DENND5A: variants seen among roughly 807,000 people sequenced by gnomAD.
The protein encoded by DENND5A is DENN domain containing 5A, also known as DENN domain-containing protein 5A.
A neutral mutation model predicts 140.3 loss-of-function variants in DENND5A; 64 were observed. The ratio of observed to expected loss-of-function variants is 0.46; its 90% CI spans 0.37 to 0.56. The LOEUF (loss-of-function observed/expected upper bound fraction) is 0.56, where lower values mean the gene tolerates loss of function less well. Among genes scored for constraint, DENND5A ranks in the 20% least tolerant of loss-of-function variants. DENND5A has a pLI of 0.00. For synonymous variants in DENND5A, 605 were observed against 607.7 expected (o/e 1.00, Z 0.07); for missense variants, 1,292 against 1,593.8 (o/e 0.81, Z 3.22).
chr11:9,232,158 A>G (rs1850799516), intron 1 of DENND5A, among the ~76,000 whole-genome samples: 1 of 152,186 alleles, frequency 6.6e-6, no homozygotes, highest in African/African-American at 2.4e-5. Flanking sequence ...TTTAGAAGAA[A>G]ACACAGAACA....
At chr11:9,213,357 G>A (rs1310332279) in intron 1 of DENND5A, among the ~76,000 whole-genome samples, 1 of 151,546 alleles carries the variant, frequency 6.6e-6, no homozygotes, top group East Asian at 1.9e-4. Context: ...GAGTGCACAG[G>A]GGATCTCTCT....
intron 2 of DENND5A, 47 bp from the exon 3 acceptor site, chr11:9,206,829 A>C: frequency 7.2e-7 from 1 of 1,380,076 alleles, no homozygotes; most frequent in South Asian, 1.2e-5. Flanking sequence ...AATCCCTTTA[A>C]GTCACAGGGT....
intron 8 of DENND5A, among the ~76,000 whole-genome samples, chr11:9,172,909 G>A (rs112118875): frequency 3.2e-4 from 49 of 152,038 alleles, no homozygotes; most frequent in Non-Finnish European, 5.6e-4. Context: ...TCCACCTTCC[G>A]GGTTCAAGCA....
intron 1 of DENND5A, among the ~76,000 whole-genome samples, chr11:9,211,065 A>G (rs1849861340): frequency 6.6e-6 from 1 of 152,188 alleles, no homozygotes; most frequent in Non-Finnish European, 1.5e-5. Context: ...TCAGCACTTC[A>G]AAGAAGGTAA....
intron 5 of DENND5A, among the ~76,000 whole-genome samples, chr11:9,186,783 G>A (rs1280742490): frequency 6.6e-6 from 1 of 152,128 alleles, no homozygotes; most frequent in South Asian, 2.1e-4. Context: ...ATACCCTAGA[G>A]ACTGAGTTTT....
intron 5 of DENND5A, among the ~76,000 whole-genome samples, chr11:9,185,616 T>C (rs1324973816): frequency 2.6e-5 from 4 of 152,336 alleles, no homozygotes; most frequent in South Asian, 4.1e-4. Flanking sequence ...CCATGGCACA[T>C]GTATACCTAT....
intron 1 of DENND5A, among the ~76,000 whole-genome samples, chr11:9,257,733 C>T (rs1443238611): frequency 3.3e-5 from 5 of 151,600 alleles, no homozygotes; most frequent in East Asian, 1.9e-4. Flanking sequence ...CCGCCCACCC[C>T]GGCCTCCCAA....
intron 1 of DENND5A, among the ~76,000 whole-genome samples, chr11:9,255,843 C>T (rs200217303): frequency 3.3e-5 from 5 of 149,262 alleles, no homozygotes; most frequent in African/African-American, 5.0e-5. Flanking sequence ...CCAGCCTGGG[C>T]GACAGAGTGA....
chr11:9,224,729 G>C (rs907866789), intron 1 of DENND5A, among the ~76,000 whole-genome samples: 3 of 151,522 alleles, frequency 2.0e-5, no homozygotes. Flanking sequence ...GTGGTGGCGC[G>C]CGCCTGTAAT....
At chr11:9,191,335 T>G (rs1161638987) in intron 5 of DENND5A, among the ~76,000 whole-genome samples, 1 of 152,210 alleles carries the variant, frequency 6.6e-6, no homozygotes, top group Non-Finnish European at 1.5e-5. Flanking sequence ...GGCTCCGGGC[T>G]TCAACAATTC....
At chr11:9,170,918 C>A (rs1848351786) in intron 8 of DENND5A, 141 bp from the exon 9 acceptor site, 2 of 1,400,826 alleles carry the variant, frequency 1.4e-6, no homozygotes. Context: ...ATTTTCCTGC[C>A]TAATAGGAAA....
chr11:9,181,037 T>C lies in DENND5A; in HGVS notation c.1185A>G (p.Pro395=). 1 of 1,614,174 alleles carries C rather than the reference T, an allele frequency of 6.2e-7. No homozygotes were observed. The highest frequency in any genetic ancestry group is 8.5e-7 in the Non-Finnish European group (1 of 1,180,020). The change falls in exon 6 of 23, where the codon CCA becomes CCG. Residue 395 remains proline, a synonymous_variant. Coordinates refer to ENST00000328194, the MANE Select transcript of DENND5A (RefSeq NM_015213.4). The part of the protein sequence containing the change: ...VDIDNHFIEL[P]EDLPQFPNKL... The stretch of plus-strand genomic sequence containing the variant: ...TGTTGGGGAACTGTGGCAAGTCCTC[T>C]GGCAACTCAATGAAGTGGTTGTCAA...
At chr11:9,221,517 C>A (rs922737312) in intron 1 of DENND5A, among the ~76,000 whole-genome samples, 1 of 152,122 alleles carries the variant, frequency 6.6e-6, no homozygotes, top group East Asian at 1.9e-4. Context: ...TGAGCAACTG[C>A]GCCTGGCCTG....
intron 1 of DENND5A, among the ~76,000 whole-genome samples, chr11:9,232,108 G>A (rs1850797665): frequency 6.6e-6 from 1 of 151,726 alleles, no homozygotes; most frequent in Admixed American, 6.6e-5. Flanking sequence ...ATTAGCCCTA[G>A]GACTGTAGAT....
intron 1 of DENND5A, among the ~76,000 whole-genome samples, chr11:9,251,989 G>C (rs1486172252): frequency 8.1e-6 from 1 of 124,068 alleles, no homozygotes. Context: ...ACTCTGTCTC[G>C]CGAAAAAAAA....
chr11:9,214,702 C>T (rs1273800987), intron 1 of DENND5A, among the ~76,000 whole-genome samples: 4 of 152,086 alleles, frequency 2.6e-5, no homozygotes, highest in Non-Finnish European at 5.9e-5. Context: ...TGCCCCCCAA[C>T]CCCCACCCAC....
intron 8 of DENND5A, 40 bp from the exon 9 acceptor site, chr11:9,170,817 CATAA>C (rs1590229647): frequency 7.1e-6 from 10 of 1,417,398 alleles, no homozygotes; most frequent in South Asian, 4.1e-5. Flanking sequence ...CACACACACA[CATAA>C]ATACACACAC....
Position 9,144,176 on chromosome 11 carries a change from C to T in DENND5A, c.3225G>A (p.Arg1075=), listed in dbSNP as rs1198352091. ...GCTGCAGCGGCGGGGTCCGGCATGG[C>T]CTCTCATCCACCTCAGGCTGGGATG... ...LLTSQPEVDE[R]PCRTPPLQQS... The change falls in exon 19 of 23, where the codon AGG becomes AGA. Residue 1075 remains arginine (R), a synonymous_variant. Coordinates refer to ENST00000328194, the MANE Select transcript of DENND5A (RefSeq NM_015213.4). The T allele has an allele frequency of 6.2e-7, 1 of 1,614,162 alleles. No individual in the cohort carries two copies.
intron 13 of DENND5A, among the ~76,000 whole-genome samples, chr11:9,152,106 A>T (rs1019286724): frequency 3.3e-5 from 5 of 152,238 alleles, no homozygotes; most frequent in African/African-American, 1.2e-4. Flanking sequence ...ATTCATTCTG[A>T]GACTGGCCTC....
Sources: allele counts gnomAD v4.1 joint callset (sites outside exome capture counted in the v4.1 genomes callset), GRCh38; gene constraint gnomAD v4.1.1; transcripts MANE v1.5; gene names NCBI Gene and HGNC (gene_info 2026-07-23, HGNC 2026-07-21).